PRELID2: variants seen among roughly 807,000 people sequenced by gnomAD.
PRELID2 encodes PRELI domain-containing protein 2.
PRELID2 carries 25 observed loss-of-function variants against 28.4 expected under a neutral mutation model. The ratio of observed to expected loss-of-function variants is 0.88; its 90% CI spans 0.64 to 1.23. PRELID2 has a LOEUF of 1.23. Ranked by LOEUF, PRELID2 falls within the 50% of genes most tolerant of loss-of-function variation. PRELID2 has a pLI of 0.00. For synonymous variants in PRELID2, 76 were observed against 71.6 expected, an observed-to-expected ratio of 1.06 and a Z score of -0.31; for missense variants, 201 against 214.4, an observed-to-expected ratio of 0.94 and a Z score of 0.39.
chr5:145,436,483 T>G, the PRELID2 span, among the ~76,000 whole-genome samples: 1 of 152,200 alleles, frequency 6.6e-6, no homozygotes, highest in Non-Finnish European at 1.5e-5. Flanking sequence ...ATAGTAGTTC[T>G]AATTTCTTTA....
At chr5:145,752,248 C>CA (rs1757142548), downstream of PRELID2, among the ~76,000 whole-genome samples, 1 of 152,180 alleles carries the variant, frequency 6.6e-6, no homozygotes, top group South Asian at 2.1e-4. Flanking sequence ...AAATGGTTCT[C>CA]ATAGCACTTG....
the PRELID2 span, among the ~76,000 whole-genome samples, chr5:145,418,141 T>C: frequency 2.6e-5 from 4 of 151,964 alleles, no homozygotes; most frequent in Admixed American, 6.6e-5. Flanking sequence ...CCATTCACAA[T>C]TGCTACAGAA....
At chr5:145,812,451 T>C (rs540932379) in intron 4 of PRELID2, among the ~76,000 whole-genome samples, 53 of 152,234 alleles carry the variant, frequency 3.5e-4, no homozygotes, top group Non-Finnish European at 3.2e-4. Context: ...TTACTGGCCA[T>C]CTTACTTCAT....
chr5:145,715,847 G>A (rs1377149254), intron 1 of PRELID2, among the ~76,000 whole-genome samples: 1 of 152,174 alleles, frequency 6.6e-6, no homozygotes, highest in Non-Finnish European at 1.5e-5. Flanking sequence ...ATCTAGAGGA[G>A]TCACCAAGTA....
chr5:145,557,496 A>G (rs958803296), intron 1 of PRELID2, among the ~76,000 whole-genome samples: 1 of 152,200 alleles, frequency 6.6e-6, no homozygotes, highest in Non-Finnish European at 1.5e-5. Flanking sequence ...ACTAAGAGAA[A>G]ATGTCTGGGT....
the PRELID2 span, among the ~76,000 whole-genome samples, chr5:145,306,604 T>C: frequency 1.6e-4 from 24 of 152,216 alleles, no homozygotes; most frequent in African/African-American, 5.8e-4. Context: ...ATACACTGGA[T>C]TCTTGTACAG....
chr5:145,305,633 C>A, the PRELID2 span, among the ~76,000 whole-genome samples: 28 of 152,196 alleles, frequency 1.8e-4, no homozygotes, highest in Non-Finnish European at 3.4e-4. Context: ...TCCCATCCAG[C>A]TTTTCATTGG....
At chr5:145,310,733 T>C in the PRELID2 span, among the ~76,000 whole-genome samples, 5 of 152,198 alleles carry the variant, frequency 3.3e-5, no homozygotes, top group East Asian at 9.6e-4. Flanking sequence ...TTTTCCACAG[T>C]AGTTATTTCA....
chr5:145,276,790 T>C, the PRELID2 span, among the ~76,000 whole-genome samples: 3 of 152,140 alleles, frequency 2.0e-5, no homozygotes, highest in African/African-American at 7.2e-5. Context: ...ATGATAGAAC[T>C]TTCAAAAAAA....
chr5:145,651,428 G>C (rs1451911709), intron 1 of PRELID2, among the ~76,000 whole-genome samples: 1 of 152,212 alleles, frequency 6.6e-6, no homozygotes, highest in Admixed American at 6.5e-5. Flanking sequence ...CCAGCACGGA[G>C]TCTGAGATCT....
the PRELID2 span, among the ~76,000 whole-genome samples, chr5:145,427,993 G>A: frequency 1.3e-4 from 20 of 151,922 alleles, no homozygotes; most frequent in African/African-American, 2.2e-4. Context: ...AGTTTTGCTC[G>A]TGTCACCCAG....
chr5:145,784,834 T>C (rs570255905), intron 5 of PRELID2, among the ~76,000 whole-genome samples: 3 of 151,362 alleles, frequency 2.0e-5, no homozygotes, highest in Non-Finnish European at 4.4e-5. Flanking sequence ...TTTGCAAACA[T>C]GAACAGACAT....
chr5:145,448,592 A>G, the PRELID2 span, among the ~76,000 whole-genome samples: 8 of 152,184 alleles, frequency 5.3e-5, no homozygotes, highest in Non-Finnish European at 1.2e-4. Context: ...AAAGAGGGCC[A>G]TTACATAATG....
Position 145,814,184 on chromosome 5 carries a change from T to G in PRELID2, c.368+3710A>C, listed in dbSNP as rs1754141530. On this transcript the variant is annotated intron_variant, in intron 4 of 6. Coordinates refer to ENST00000683046, the MANE Select transcript of PRELID2 (RefSeq NM_205846.3). ...GTTCCTAAAGGATGTCCTCCCTGGA[T>G]TTTCAGAGCTAATTGTCATTTTATA... 2.0e-5 allele frequency among the ~76,000 whole-genome samples: 3 copies of G among 152,320 alleles called. No individual in the cohort carries two copies. The South Asian group carries it at 6.2e-4, about 32-fold the overall frequency.
the PRELID2 span, among the ~76,000 whole-genome samples, chr5:145,244,100 C>A: frequency 6.6e-6 from 1 of 152,046 alleles, no homozygotes; most frequent in East Asian, 1.9e-4. Flanking sequence ...ACTACAGGCA[C>A]AAACTACCCT....
intron 1 of PRELID2, among the ~76,000 whole-genome samples, chr5:145,591,873 G>C (rs1204571138): frequency 6.6e-6 from 1 of 152,158 alleles, no homozygotes. Context: ...TCCTCAGCTT[G>C]ATGTTAATGG....
the PRELID2 span, among the ~76,000 whole-genome samples, chr5:145,401,664 T>G: frequency 6.6e-6 from 1 of 152,192 alleles, no homozygotes; most frequent in Non-Finnish European, 1.5e-5. Flanking sequence ...CATCCCACCA[T>G]TACAGATGAG....
intron 1 of PRELID2, among the ~76,000 whole-genome samples, chr5:145,528,321 T>C (rs1452443801): frequency 6.6e-6 from 1 of 152,142 alleles, no homozygotes; most frequent in East Asian, 1.9e-4. Context: ...TCAGTACTTA[T>C]CACAGTCCTA....
chr5:145,663,620 C>T (rs760660258), intron 1 of PRELID2, among the ~76,000 whole-genome samples: 8 of 152,102 alleles, frequency 5.3e-5, no homozygotes, highest in Non-Finnish European at 1.2e-4. Context: ...AATAATCTAA[C>T]TTGTCTCCAT....
Sources: gnomAD v4.1 joint callset for allele counts (sites outside exome capture counted in the v4.1 genomes callset) on GRCh38, gnomAD v4.1.1 for gene constraint, MANE v1.5 for transcripts, NCBI Gene and HGNC (gene_info 2026-07-23, HGNC 2026-07-21) for gene names.